The following SHOC2 variants were observed in gnomAD, a reference collection of about 807,000 sequenced individuals.
SHOC2 encodes SHOC2 leucine rich repeat scaffold protein.
SHOC2 carries 4 observed loss-of-function variants against 50.2 expected under a neutral mutation model. That is an observed-to-expected ratio of 0.08 (90% CI 0.04 to 0.18). The LOEUF is 0.18. Ranked by LOEUF, SHOC2 falls within the 10% of genes least tolerant of loss-of-function variation. SHOC2 has a pLI of 1.00. For missense variants in SHOC2, 388 were observed against 669.6 expected, an observed-to-expected ratio of 0.58 and a Z score of 4.64; for synonymous variants, 218 against 244.5, an observed-to-expected ratio of 0.89 and a Z score of 1.01.
At chr10:110,967,101 A>G (rs564308656) in intron 2 of SHOC2, among the ~76,000 whole-genome samples, 2 of 152,352 alleles carry the variant, frequency 1.3e-5, no homozygotes, top group East Asian at 1.9e-4. Context: ...CCCATGAATC[A>G]TAATACTATA....
intron 3 of SHOC2, among the ~76,000 whole-genome samples, chr10:110,994,618 T>C (rs1452496683): frequency 6.6e-6 from 1 of 152,176 alleles, no homozygotes; most frequent in Non-Finnish European, 1.5e-5. Context: ...TTCTATCATC[T>C]GTTATATGGG....
At chr10:111,010,723 A>G (rs1183739048) in intron 8 of SHOC2, among the ~76,000 whole-genome samples, 2 of 152,318 alleles carry the variant, frequency 1.3e-5, no homozygotes, top group East Asian at 3.9e-4. Flanking sequence ...TTCAAAATCT[A>G]GCCCTGCTGC....
chr10:110,935,041 G>A (rs958704804), intron 1 of SHOC2, among the ~76,000 whole-genome samples: 1 of 152,136 alleles, frequency 6.6e-6, no homozygotes, highest in African/African-American at 2.4e-5. Context: ...GCACATATAT[G>A]TGCATATATA....
At chr10:110,971,689 T>G (rs1428844536) in intron 2 of SHOC2, among the ~76,000 whole-genome samples, 1 of 152,156 alleles carries the variant, frequency 6.6e-6, no homozygotes, top group East Asian at 1.9e-4. Context: ...ATGGAATGTC[T>G]TTCCATTTTT....
intron 1 of SHOC2, among the ~76,000 whole-genome samples, chr10:110,944,662 C>T (rs1847214965): frequency 6.6e-6 from 1 of 152,160 alleles, no homozygotes; most frequent in African/African-American, 2.4e-5. Context: ...ACATTTTGCC[C>T]TCTCTTCAGG....
At chr10:110,986,714 G>A (rs1382805534) in intron 3 of SHOC2, among the ~76,000 whole-genome samples, 4 of 152,144 alleles carry the variant, frequency 2.6e-5, no homozygotes, top group Admixed American at 2.6e-4. Flanking sequence ...GACCTCAGGT[G>A]ATCTGCCTGC....
chr10:110,936,323 A>T (rs923785236), intron 1 of SHOC2, among the ~76,000 whole-genome samples: 3 of 151,486 alleles, frequency 2.0e-5, no homozygotes, highest in African/African-American at 7.3e-5. Context: ...GGCTGGTCTC[A>T]AACTCCTGAA....
chr10:110,979,737 C>T (rs1048212285), intron 2 of SHOC2, among the ~76,000 whole-genome samples: 8 of 152,168 alleles, frequency 5.3e-5, no homozygotes, highest in African/African-American at 1.2e-4. Flanking sequence ...AAATATTTTA[C>T]GTAGATGTCT....
intron 2 of SHOC2, among the ~76,000 whole-genome samples, chr10:110,983,670 C>G (rs1035318506): frequency 6.6e-6 from 1 of 152,160 alleles, no homozygotes; most frequent in Non-Finnish European, 1.5e-5. Context: ...AACAATAAGT[C>G]CTCATTCCCC....
intron 2 of SHOC2, among the ~76,000 whole-genome samples, chr10:110,983,430 C>T (rs546861032): frequency 4.7e-4 from 72 of 152,140 alleles, no homozygotes; most frequent in South Asian, 3.3e-3. Flanking sequence ...GATCCTGCCT[C>T]TTTTGTAAGG....
At chr10:110,992,260 A>C (rs2134158406) in intron 3 of SHOC2, among the ~76,000 whole-genome samples, 1 of 152,292 alleles carries the variant, frequency 6.6e-6, no homozygotes, top group East Asian at 1.9e-4. Context: ...GGGGATTACC[A>C]AGTTGCAGTT....
intron 1 of SHOC2, among the ~76,000 whole-genome samples, chr10:110,947,578 A>G (rs1041538855): frequency 2.0e-5 from 3 of 152,272 alleles, no homozygotes; most frequent in Non-Finnish European, 4.4e-5. Context: ...CTAAAAAGAT[A>G]TAAGTTGTGT....
rs1020545643 is a variant in SHOC2, at chr10:111,012,451, A to C, written c.*633A>C. 1 of 152,134 alleles carries C rather than the reference A, an allele frequency of 6.6e-6. No homozygotes were observed. The highest frequency in any genetic ancestry group is 1.5e-5 in the Non-Finnish European group (1 of 68,052). The allele number at this position is 152,134 out of a possible 1,614,324, so 9.4% of individuals were successfully genotyped here. On this transcript the variant is annotated 3_prime_UTR_variant, in exon 9 of 9. Coordinates refer to ENST00000369452, the MANE Select transcript of SHOC2 (RefSeq NM_007373.4). ...GCTTGTTGAAAAAAAAAACTGGCAA[A>C]GTGAAAAGATACAGTCAAAAATCTA... is the stretch of plus-strand genomic sequence containing the variant.
chr10:110,999,442 A>G (rs761578489), intron 3 of SHOC2, among the ~76,000 whole-genome samples: 8 of 152,106 alleles, frequency 5.3e-5, no homozygotes, highest in Admixed American at 2.0e-4. Flanking sequence ...AGAAAAGTAG[A>G]AAATAAAATG....
chr10:110,991,629 ATTACT>A (rs1848187840), intron 3 of SHOC2, among the ~76,000 whole-genome samples: 1 of 152,170 alleles, frequency 6.6e-6, no homozygotes, highest in Non-Finnish European at 1.5e-5. Flanking sequence ...TATTAAAATA[ATTACT>A]TTATCTTTCT....
intron 1 of SHOC2, among the ~76,000 whole-genome samples, chr10:110,945,419 G>A (rs202001908): frequency 6.6e-6 from 1 of 152,212 alleles, no homozygotes; most frequent in East Asian, 1.9e-4. Context: ...GCAAGGGATG[G>A]GACTAGGGCA....
chr10:111,009,422 T>C lies in SHOC2; in HGVS notation c.1422+37T>C, dbSNP rs1422918657. 4 of 1,547,972 alleles carry C rather than the reference T, an allele frequency of 2.6e-6. No individual in the cohort carries two copies. In the South Asian group the frequency reaches 4.5e-5, roughly 17 times the overall value. On this transcript the variant is annotated intron_variant, in intron 7 of 8. Transcript: ENST00000369452. ...GCTGATTTTGTAGTTTTATAAAGTT[T>C]TTGGAATCTGTTCCAAATTCCACAT...
chr10:110,930,339 A>G (rs1375281249), intron 1 of SHOC2, among the ~76,000 whole-genome samples: 1 of 152,074 alleles, frequency 6.6e-6, no homozygotes, highest in Non-Finnish European at 1.5e-5. Flanking sequence ...TTGAGAGCGC[A>G]TTTATTTTTG....
chr10:110,937,246 C>T (rs761271224), intron 1 of SHOC2: 2 of 1,000,668 alleles, frequency 2.0e-6, no homozygotes, highest in East Asian at 4.8e-5. Context: ...TCGGCTGCCC[C>T]TTGGGAAAGC....
Sources: gnomAD v4.1 joint callset for allele counts (sites outside exome capture counted in the v4.1 genomes callset) on GRCh38, gnomAD v4.1.1 for gene constraint, MANE v1.5 for transcripts, NCBI Gene and HGNC (gene_info 2026-07-23, HGNC 2026-07-21) for gene names.